The following CSHL1 variants were observed in gnomAD, a reference collection of about 807,000 sequenced individuals.
CSHL1 encodes chorionic somatomammotropin hormone-like 1.
Under a neutral mutation model 24.3 loss-of-function variants are expected in CSHL1, and 25 were observed. The observed-to-expected ratio is 1.03, with a 90% CI of 0.75 to 1.44. The LOEUF is 1.44. Among genes scored for constraint, CSHL1 ranks in the 40% most tolerant of loss-of-function variants. The pLI is 0.00. For synonymous variants in CSHL1, 157 were observed against 115.6 expected (o/e 1.36, Z -2.30); for missense variants, 342 against 279.3 (o/e 1.22, Z -1.60).
At position 63,909,668 on chromosome 17, in the gene CSHL1, A is replaced by G. The variant is rs1567792404; in HGVS notation, c.*43T>C. On this transcript the variant is annotated 3_prime_UTR_variant, in exon 5 of 5. Transcript: ENST00000309894. Reference sequence around the variant, plus strand: ...GCACTGGAGTGGCACCTTCAGGGCCAGGAGAGGCACTGGGGAGGGGTCACA... The same window carrying G: ...GCACTGGAGTGGCACCTTCAGGGCCGGGAGAGGCACTGGGGAGGGGTCACA... 1 of 1,613,914 alleles carries G rather than the reference A, an allele frequency of 6.2e-7. No individual in the cohort carries two copies. Among genetic ancestry groups the G allele is most frequent in the Non-Finnish European group, 8.5e-7 (1 of 1,179,898 alleles).
chr17:63,910,100 T>A, intron 4 of CSHL1, 62 bp downstream of exon 4: 3 of 1,614,124 alleles, frequency 1.9e-6, no homozygotes, highest in Non-Finnish European at 2.5e-6. Flanking sequence ...GCAGTGTTTC[T>A]CTCCCCCAGC....
Position 63,909,692 on chromosome 17 carries a change from C to A in CSHL1, c.*19G>T, listed in dbSNP as rs761053155. On this transcript the variant is annotated 3_prime_UTR_variant, in exon 5 of 5. Transcript: ENST00000309894. ...CAGGAGAGGCACTGGGGAGGGGTCACAGGATGCCACGCGGGCCCCTAGAAG... is the reference window on the plus strand; with the variant it reads ...CAGGAGAGGCACTGGGGAGGGGTCAAAGGATGCCACGCGGGCCCCTAGAAG... The A allele has an allele frequency of 3.7e-6, 6 of 1,614,116 alleles. No homozygotes were observed. The South Asian group carries it at 6.6e-5, about 18-fold the overall frequency.
Position 63,909,720 on chromosome 17 carries a change from AC to A in CSHL1, c.659del (p.Cys220LeufsTer11), listed in dbSNP as rs1425710208. The part of the protein sequence containing the change: ...MVQCRSVEGS[C>X]GF ...GATGCCACGCGGGCCCCTAGAAGCC[AC>A]AGCTGCCCTCCACAGAGCGGCACTG... On this transcript the variant is annotated frameshift_variant, in exon 5 of 5. Coordinates refer to ENST00000309894, the MANE Select transcript of CSHL1 (RefSeq NM_022579.3). LOFTEE classifies it high-confidence loss of function. 6.2e-7 allele frequency: 1 copy of A among 1,614,186 alleles called. No homozygotes were observed. Among genetic ancestry groups the A allele is most frequent in the Non-Finnish European group, 8.5e-7 (1 of 1,180,026 alleles).
rs377336653 is a variant in CSHL1 at position 63,910,368 on chromosome 17, T to C, written c.307-42A>G. The C allele has an allele frequency of 5.1e-4, 818 of 1,614,126 alleles. 2 individuals carry two copies. The African/African-American group carries it at 5.4e-3, about 11-fold the overall frequency. On this transcript the variant is annotated intron_variant, in intron 3 of 4. Transcript: ENST00000309894. The stretch of plus-strand genomic sequence containing the variant: ...GGCAGTGGCTGTGCTGCCCGGGGGC[T>C]CTGACCACAGGTCTCCCCCATCCCC...
chr17:63,909,871 A>G lies in CSHL1; in HGVS notation c.509T>C (p.Leu170Pro). 1 of 1,613,980 alleles carries G rather than the reference A, an allele frequency of 6.2e-7. No individual in the cohort carries two copies. The highest frequency in any genetic ancestry group is 8.5e-7 in the Non-Finnish European group (1 of 1,179,868). ...GTCAAACTTGCTGTAGGTCTGCTTG[A>G]GGGTCTGCCCAGTCAGGTGGCTGCC... Reference protein sequence around the residue: ...EDGSHLTGQTLKQTYSKFDTN... With the variant: ...EDGSHLTGQTPKQTYSKFDTN... Residue 170 changes from leucine to proline, a missense_variant, in exon 5 of 5, where the codon CTC (leucine) becomes CCC (proline). Coordinates refer to ENST00000309894, the MANE Select transcript of CSHL1 (RefSeq NM_022579.3).
In CSHL1 at chr17:63,910,779, G is replaced by A. The variant is rs763374529; in HGVS notation, c.156C>T (p.Asp52=). ...AAGAGCTTATAAACTCCTGGTAGGT[G>A]TCAATGGCCAGCTGGTGTGCGCGAT... ...QAHRAHQLAI[D]TYQEFISSWG... is the part of the protein sequence containing the mutation. Residue 52 remains aspartate, a synonymous_variant, in exon 2 of 5, where the codon GAC becomes GAT. Transcript: ENST00000309894. 9 of 1,614,124 alleles carry A rather than the reference G, an allele frequency of 5.6e-6. No homozygotes were observed. Among genetic ancestry groups the A allele is most frequent in the Admixed American group, 1.7e-5 (1 of 60,010 alleles).
chr17:63,911,225 C>G lies in CSHL1; in HGVS notation c.-29G>C, dbSNP rs202152404. On this transcript the variant is annotated 5_prime_UTR_variant, in exon 1 of 5. Coordinates refer to ENST00000309894, the MANE Select transcript of CSHL1 (RefSeq NM_022579.3). ...CGCTAGGTGAGCTGTCCACAGGACC[C>G]TGAGTGGTGCGGGGAGTCGGGCCTT... The G allele has an allele frequency of 1.3e-3, 2,050 of 1,613,982 alleles. 3 individuals are homozygous for G. Among genetic ancestry groups the G allele is most frequent in the Non-Finnish European group, 1.6e-3 (1,932 of 1,179,880 alleles).
Position 63,910,177 on chromosome 17 carries a change from G to A in CSHL1, c.456C>T (p.Ile152=), listed in dbSNP as rs1269050512. The A allele has an allele frequency of 6.2e-7, 1 of 1,614,172 alleles. No homozygotes were observed. The highest frequency in any genetic ancestry group is 8.5e-7 in the Non-Finnish European group (1 of 1,180,034). ...YHLLKDLEEG[I]QMLMGRLEDG... is the part of the protein sequence containing the mutation. ...CCACCCTCACCCCCATCAGCATTTG[G>A]ATGCCTTCCTCTAGGTCCTTTAGGA... Residue 152 remains isoleucine, a synonymous_variant, in exon 4 of 5, where the codon ATC becomes ATT. Transcript: ENST00000309894.
In CSHL1 at chr17:63,909,825, G is replaced by A. The variant is rs768970067; in HGVS notation, c.555C>T (p.Asp185=). The A allele has an allele frequency of 1.9e-5, 30 of 1,613,864 alleles. No homozygotes were observed. The highest frequency in any genetic ancestry group is 6.7e-5 in the East Asian group (3 of 44,890). The change falls in exon 5 of 5, where the codon GAC becomes GAT. Residue 185 remains aspartate (D), a synonymous_variant. Coordinates refer to ENST00000309894, the MANE Select transcript of CSHL1 (RefSeq NM_022579.3). ...GCAGCCCGTAGTTCTTGAGCAGTGC[G>A]TCATGGTTGTGCGAGTTTGTGTCAA... is the stretch of plus-strand genomic sequence containing the variant. The part of the protein sequence containing the change: ...SKFDTNSHNH[D]ALLKNYGLLH...
At position 63,909,699 on chromosome 17, in the gene CSHL1, C is replaced by A. The variant is rs1304270878; in HGVS notation, c.*12G>T. The A allele has an allele frequency of 1.2e-6, 2 of 1,614,076 alleles. No individual in the cohort carries two copies. Among genetic ancestry groups the A allele is most frequent in the South Asian group, 2.2e-5 (2 of 91,072 alleles). On this transcript the variant is annotated 3_prime_UTR_variant, in exon 5 of 5. Transcript: ENST00000309894. ...GGCACTGGGGAGGGGTCACAGGATGCCACGCGGGCCCCTAGAAGCCACAGC... is the reference window on the plus strand; with the variant it reads ...GGCACTGGGGAGGGGTCACAGGATGACACGCGGGCCCCTAGAAGCCACAGC...
intron 1 of CSHL1, 89 bp downstream of exon 1, chr17:63,911,098 A>T: frequency 6.2e-7 from 1 of 1,611,618 alleles, no homozygotes; most frequent in Non-Finnish European, 8.5e-7. Context: ...GAAGCCCCAA[A>T]CCTGAGGTTA....
chr17:63,910,637 C>G (rs781405821), intron 2 of CSHL1, 102 bp from the exon 3 acceptor site: 5 of 1,614,116 alleles, frequency 3.1e-6, no homozygotes, highest in Non-Finnish European at 4.2e-6. Flanking sequence ...AGCCTATGCT[C>G]ATCTGCCTGC....
chr17:63,909,918 G>A lies in CSHL1; in HGVS notation c.472-10C>T. 6.2e-7 allele frequency: 1 copy of A among 1,614,004 alleles called. No individual in the cohort carries two copies. Among genetic ancestry groups the A allele is most frequent in the Non-Finnish European group, 8.5e-7 (1 of 1,179,870 alleles). On this transcript the variant is annotated splice_polypyrimidine_tract_variant and intron_variant, in intron 4 of 4. Transcript: ENST00000309894. ...TGCCGTCTTCCAGCCTCTGCAAAGT[G>A]AAGCAAGAGAAGGAGAGACCAAGCG...
intron 4 of CSHL1, 81 bp downstream of exon 4, chr17:63,910,081 A>T: frequency 6.2e-7 from 1 of 1,614,134 alleles, no homozygotes; most frequent in Non-Finnish European, 8.5e-7. Flanking sequence ...GACTGCTGAA[A>T]AGAGGGCAGC....
intron 2 of CSHL1, 24 bp from the exon 3 acceptor site, chr17:63,910,559 C>T (rs779436626): frequency 6.2e-7 from 1 of 1,614,170 alleles, no homozygotes; most frequent in South Asian, 1.1e-5. Context: ...GGACCCCCCA[C>T]CAAGAAGGAC....
intron 2 of CSHL1, 43 bp downstream of exon 2, chr17:63,910,702 C>T (rs1906903902): frequency 6.2e-7 from 1 of 1,614,234 alleles, no homozygotes; most frequent in African/African-American, 1.3e-5. Context: ...ATTACTTCCC[C>T]AGTGGGGGAA....
Position 63,909,874 on chromosome 17 carries a change from G to A in CSHL1, c.506C>T (p.Thr169Ile), listed in dbSNP as rs750332032. The change falls in exon 5 of 5, where the codon ACC becomes ATC. Residue 169 changes from threonine to isoleucine, a missense_variant. Coordinates refer to ENST00000309894, the MANE Select transcript of CSHL1 (RefSeq NM_022579.3). The stretch of plus-strand genomic sequence containing the variant: ...AAACTTGCTGTAGGTCTGCTTGAGG[G>A]TCTGCCCAGTCAGGTGGCTGCCGTC... ...LEDGSHLTGQTLKQTYSKFDT... is the reference protein window; with the variant it reads ...LEDGSHLTGQILKQTYSKFDT... 9.5e-5 allele frequency: 153 copies of A among 1,613,798 alleles called. No homozygotes were observed. The highest frequency in any genetic ancestry group is 1.9e-4 in the African/African-American group (14 of 74,912).
At position 63,910,208 on chromosome 17, in the gene CSHL1, T is replaced by C. The variant is rs763426451; in HGVS notation, c.425A>G (p.Tyr142Cys). The change falls in exon 4 of 5, where the codon TAT (tyrosine) becomes TGT (cysteine). Residue 142 changes from tyrosine (Y) to cysteine (C), a missense_variant. By Grantham distance (194) the Tyr-to-Cys change is radical. Coordinates refer to ENST00000309894, the MANE Select transcript of CSHL1 (RefSeq NM_022579.3). ...TTCCTCTAGGTCCTTTAGGAGGTGATAGTCATCGCTGTCCGAGGTGTCATA... is the reference window on the plus strand; with the variant it reads ...TTCCTCTAGGTCCTTTAGGAGGTGACAGTCATCGCTGTCCGAGGTGTCATA... ...LVYDTSDSDD[Y>C]HLLKDLEEGI... 6.8e-6 allele frequency: 11 copies of C among 1,613,972 alleles called. No homozygotes were observed. The highest frequency in any genetic ancestry group is 1.7e-5 in the Admixed American group (1 of 60,004).
intron 1 of CSHL1, 79 bp downstream of exon 1, chr17:63,911,107 TA>T (rs1906981819): frequency 1.2e-5 from 20 of 1,611,852 alleles, no homozygotes; most frequent in Non-Finnish European, 1.6e-5. Context: ...AACCTGAGGT[TA>T]GTGCCCCCGT....
Sources: allele counts gnomAD v4.1 joint callset, GRCh38; gene constraint gnomAD v4.1.1; transcripts MANE v1.5; gene names NCBI Gene and HGNC (gene_info 2026-07-23, HGNC 2026-07-21).